The following CIMIP4 variants were observed in gnomAD, a reference collection of about 807,000 sequenced individuals.
CIMIP4 encodes the protein protein EAN57.
the CIMIP4 span, chr22:36,999,707 T>C: frequency 1.3e-5 from 15 of 1,172,548 alleles, no homozygotes; most frequent in Admixed American, 7.8e-5. Flanking sequence ...CACATGGGCA[T>C]GAAATAAGTG....
At chr22:36,992,590 G>A in the CIMIP4 span, among the ~76,000 whole-genome samples, 1 of 152,174 alleles carries the variant, frequency 6.6e-6, no homozygotes, top group Non-Finnish European at 1.5e-5. Context: ...GAGAAAAGAT[G>A]AGACAAGATC....
the CIMIP4 span, among the ~76,000 whole-genome samples, chr22:36,998,225 G>C: frequency 6.6e-6 from 1 of 152,214 alleles, no homozygotes; most frequent in East Asian, 1.9e-4. Flanking sequence ...GTTAAAGAGA[G>C]AACTGGAAGG....
At chr22:36,993,005 G>GT in the CIMIP4 span, among the ~76,000 whole-genome samples, 77 of 143,952 alleles carry the variant, frequency 5.3e-4, no homozygotes, top group African/African-American at 1.3e-3. Context: ...GTTAATTAAA[G>GT]TTTTTTTTTT....
chr22:37,000,592 C>T, the CIMIP4 span, among the ~76,000 whole-genome samples: 5 of 152,212 alleles, frequency 3.3e-5, no homozygotes, highest in Non-Finnish European at 5.9e-5. Flanking sequence ...CTCAGTTTCC[C>T]TACATGTAAA....
At chr22:36,991,750 G>T in the CIMIP4 span, among the ~76,000 whole-genome samples, 1 of 152,146 alleles carries the variant, frequency 6.6e-6, no homozygotes, top group Non-Finnish European at 1.5e-5. Context: ...TTCAAACCCA[G>T]ACTCCATTAT....
At chr22:37,001,548 TC>T in the CIMIP4 span, among the ~76,000 whole-genome samples, 6 of 152,272 alleles carry the variant, frequency 3.9e-5, no homozygotes, top group South Asian at 1.2e-3. Context: ...TGCACCCTCG[TC>T]TCGCACAGTT....
chr22:37,005,367 A>G, the CIMIP4 span, among the ~76,000 whole-genome samples: 58 of 152,308 alleles, frequency 3.8e-4, no homozygotes, highest in Admixed American at 3.7e-3. Flanking sequence ...TACAGTGTCA[A>G]ACTTCTAAGC....
At chr22:36,997,070 G>T in the CIMIP4 span, among the ~76,000 whole-genome samples, 1 of 152,160 alleles carries the variant, frequency 6.6e-6, no homozygotes, top group African/African-American at 2.4e-5. Flanking sequence ...GCCTGAGCTC[G>T]TCATCTCACT....
At chr22:36,996,087 G>A in the CIMIP4 span, among the ~76,000 whole-genome samples, 1 of 151,966 alleles carries the variant, frequency 6.6e-6, no homozygotes, top group African/African-American at 2.4e-5. Flanking sequence ...TATCTGTGTG[G>A]CCTTAATTAA....
chr22:37,006,981 C>G, the CIMIP4 span, among the ~76,000 whole-genome samples: 1 of 152,242 alleles, frequency 6.6e-6, no homozygotes, highest in Non-Finnish European at 1.5e-5. Flanking sequence ...GGGCAAGGAA[C>G]TCAGAGTGGC....
chr22:36,992,600 C>A, the CIMIP4 span, among the ~76,000 whole-genome samples: 2 of 152,068 alleles, frequency 1.3e-5, no homozygotes, highest in South Asian at 4.1e-4. Context: ...GAGACAAGAT[C>A]GGCTATGTAT....
chr22:36,999,695 G>T, the CIMIP4 span: 3 of 1,038,408 alleles, frequency 2.9e-6, no homozygotes, highest in African/African-American at 1.6e-5. Context: ...TGACATAGAG[G>T]ACACATGGGC....
chr22:36,998,314 G>C, the CIMIP4 span, among the ~76,000 whole-genome samples: 282 of 152,246 alleles, frequency 1.9e-3, 4 homozygotes, highest in East Asian at 0.032. Context: ...CCTTCTCCAA[G>C]CTCAGAGAAA....
chr22:37,002,265 C>G, the CIMIP4 span: 1 of 1,442,214 alleles, frequency 6.9e-7, no homozygotes. Flanking sequence ...TGTTGGCCCT[C>G]CTTGTCATTC....
chr22:36,995,297 G>A, the CIMIP4 span, among the ~76,000 whole-genome samples: 1 of 152,204 alleles, frequency 6.6e-6, no homozygotes, highest in South Asian at 2.1e-4. Flanking sequence ...CCCAGCCAAG[G>A]TTTTGATTTG....
At chr22:37,003,438 C>T in the CIMIP4 span, among the ~76,000 whole-genome samples, 11 of 152,336 alleles carry the variant, frequency 7.2e-5, no homozygotes, top group South Asian at 6.2e-4. Flanking sequence ...GACTCAGTCA[C>T]GCCTGCATCA....
At chr22:36,992,798 T>A in the CIMIP4 span, among the ~76,000 whole-genome samples, 1 of 151,806 alleles carries the variant, frequency 6.6e-6, no homozygotes, top group Non-Finnish European at 1.5e-5. Flanking sequence ...AAATTAATAT[T>A]AGGATGCAAT....
the CIMIP4 span, among the ~76,000 whole-genome samples, chr22:36,993,656 G>T: frequency 6.6e-6 from 1 of 152,028 alleles, no homozygotes; most frequent in Non-Finnish European, 1.5e-5. Flanking sequence ...GTGAACCCAG[G>T]AGGCGGAGCT....
the CIMIP4 span, among the ~76,000 whole-genome samples, chr22:37,005,865 C>A: frequency 6.6e-6 from 1 of 152,158 alleles, no homozygotes; most frequent in Non-Finnish European, 1.5e-5. Context: ...GTTCTGAAGT[C>A]TCATCCTTTC....
Sources: allele counts gnomAD v4.1 joint callset (sites outside exome capture counted in the v4.1 genomes callset), GRCh38; gene constraint gnomAD v4.1.1; transcripts MANE v1.5; gene names NCBI Gene and HGNC (gene_info 2026-07-23, HGNC 2026-07-21).